PKD1L1: variants seen among roughly 807,000 people sequenced by gnomAD.
PKD1L1 encodes the protein polycystin 1 like 1, transient receptor potential channel interacting.
A neutral mutation model predicts 323.4 loss-of-function variants in PKD1L1; 236 were observed. The observed-to-expected ratio is 0.73, with a 90% confidence interval of 0.66 to 0.81. The LOEUF is 0.81. Among genes scored for constraint, PKD1L1 ranks in the 40% least tolerant of loss-of-function variants. The pLI is 0.00. For synonymous variants in PKD1L1, 1,344 were observed against 1,335.0 expected (o/e 1.01, Z -0.15); for missense variants, 3,320 against 3,508.0 (o/e 0.95, Z 1.35).
chr7:47,893,301 G>A (rs999968216), intron 15 of PKD1L1, among the ~76,000 whole-genome samples: 6 of 151,896 alleles, frequency 4.0e-5, no homozygotes, highest in Non-Finnish European at 5.9e-5. Flanking sequence ...CCTTCCACGG[G>A]TACAGAAGGC....
At chr7:47,905,445 G>T (rs1787183211) in intron 10 of PKD1L1, 120 bp from the exon 11 acceptor site, 4 of 1,127,076 alleles carry the variant, frequency 3.5e-6, no homozygotes, top group Non-Finnish European at 5.1e-6. Flanking sequence ...AGGAAGCTCT[G>T]ATATGCATGC....
chr7:47,906,217 T>C (rs1469801149), intron 9 of PKD1L1, among the ~76,000 whole-genome samples: 1 of 152,242 alleles, frequency 6.6e-6, no homozygotes, highest in Non-Finnish European at 1.5e-5. Context: ...AATATGCTAA[T>C]TCCTTTGAAA....
In PKD1L1 at chr7:47,834,957, G is replaced by T; in HGVS notation, c.6127+10C>A. ...ACGGAGAGTTTCTGAGAGTTTTAAT[G>T]TACATTTACCATGGGGTGCCTCGGT... is the stretch of plus-strand genomic sequence containing the variant. On this transcript the variant is annotated intron_variant, in intron 39 of 56. Coordinates refer to ENST00000289672, the MANE Select transcript of PKD1L1 (RefSeq NM_138295.5). 1 of 1,612,372 alleles carries T rather than the reference G, an allele frequency of 6.2e-7. No homozygotes were observed. The highest frequency in any genetic ancestry group is 1.3e-5 in the African/African-American group (1 of 75,014).
intron 54 of PKD1L1, among the ~76,000 whole-genome samples, chr7:47,798,165 A>T (rs891283980): frequency 2.0e-5 from 3 of 152,230 alleles, no homozygotes; most frequent in Admixed American, 6.5e-5. Context: ...TGGAGGACTC[A>T]TCCATGCTAC....
At position 47,894,758 on chromosome 7, in the gene PKD1L1, C is replaced by T. The variant is rs190671367; in HGVS notation, c.2272-699G>A. On this transcript the variant is annotated intron_variant, in intron 14 of 56. Coordinates refer to ENST00000289672, the MANE Select transcript of PKD1L1 (RefSeq NM_138295.5). ...CCCAGCTACATGGGAGGCAGAGGCACAAGAATCGCTTGAACCCAGTAGCCC... is the reference window on the plus strand; with the variant it reads ...CCCAGCTACATGGGAGGCAGAGGCATAAGAATCGCTTGAACCCAGTAGCCC... 1.6e-3 allele frequency among the ~76,000 whole-genome samples: 247 copies of T among 150,340 alleles called. 1 individual carries two copies. Among genetic ancestry groups the T allele is most frequent in the Middle Eastern group, 6.8e-3 (2 of 294 alleles).
At position 47,902,426 on chromosome 7, in the gene PKD1L1, G is replaced by T. The variant is rs1481963251; in HGVS notation, c.2017C>A (p.Pro673Thr). The change falls in exon 13 of 57, where the codon CCC (proline) becomes ACC (threonine). Residue 673 changes from proline (P) to threonine (T), a missense_variant. Transcript: ENST00000289672. ...TTCTTCACCAGGGGTGGCTGGCAGG[G>T]CTCGCACACGATGAAAAGTTGCTGT... ...LRQQLFIVCE[P>T]CQPPLVKNMG... 1.1e-5 allele frequency: 17 copies of T among 1,614,182 alleles called. No individual in the cohort carries two copies. The highest frequency in any genetic ancestry group is 1.4e-5 in the Non-Finnish European group (17 of 1,180,010).
intron 49 of PKD1L1, 60 bp downstream of exon 49, chr7:47,813,061 A>G: frequency 6.4e-7 from 1 of 1,566,290 alleles, no homozygotes. Flanking sequence ...TCCAGCAGGC[A>G]CCAGAGCTGG....
At chr7:47,830,864 A>T (rs1050519660) in intron 42 of PKD1L1, among the ~76,000 whole-genome samples, 1 of 152,150 alleles carries the variant, frequency 6.6e-6, no homozygotes, top group African/African-American at 2.4e-5. Flanking sequence ...ATGATGGGAG[A>T]CCATGAACAG....
Position 47,857,629 on chromosome 7 carries a change from A to T in PKD1L1, c.4566T>A (p.Tyr1522Ter). 1 of 1,614,184 alleles carries T rather than the reference A, an allele frequency of 6.2e-7. No individual in the cohort carries two copies. Among genetic ancestry groups the T allele is most frequent in the Non-Finnish European group, 8.5e-7 (1 of 1,180,030 alleles). The change falls in exon 28 of 57, where the codon TAT becomes TAA. Residue 1522 changes from tyrosine to a stop codon, truncating the protein, a stop_gained. Transcript: ENST00000289672. LOFTEE classifies it high-confidence loss of function. ...CCTGCCCAGGAGCTTGGCTCCCTGG[A>T]TATGGGTTCTTCTTGAAGAGTATGA... The part of the protein sequence containing the change: ...SQLILFKKNP[Y>*]PGSQAPGQIG...
chr7:47,835,659 GCAA>G (rs1483128655), intron 37 of PKD1L1, among the ~76,000 whole-genome samples: 5 of 151,918 alleles, frequency 3.3e-5, no homozygotes, highest in African/African-American at 4.8e-5. Flanking sequence ...CCTCAGCCCC[GCAA>G]AGTGCTGGGA....
intron 24 of PKD1L1, among the ~76,000 whole-genome samples, chr7:47,869,594 G>T (rs940115112): frequency 6.6e-6 from 1 of 152,072 alleles, no homozygotes; most frequent in Non-Finnish European, 1.5e-5. Context: ...CCTAACAACA[G>T]GTTCCATATA....
chr7:47,801,166 C>T (rs1784653653), intron 53 of PKD1L1, among the ~76,000 whole-genome samples: 1 of 152,138 alleles, frequency 6.6e-6, no homozygotes. Flanking sequence ...CAGCTGCCTC[C>T]TCTGCCTATG....
chr7:47,919,006 A>T (rs935193298), intron 7 of PKD1L1, among the ~76,000 whole-genome samples: 1 of 152,220 alleles, frequency 6.6e-6, no homozygotes, highest in African/African-American at 2.4e-5. Context: ...AGAAGAAAGG[A>T]AATAACCAAG....
intron 53 of PKD1L1, among the ~76,000 whole-genome samples, chr7:47,802,867 T>C (rs1562936882): frequency 6.6e-6 from 1 of 152,222 alleles, no homozygotes; most frequent in Admixed American, 6.5e-5. Context: ...GTTGTGATAG[T>C]TAAACGAAGT....
chr7:47,956,635 G>T, the PKD1L1 span, among the ~76,000 whole-genome samples: 69,879 of 152,064 alleles, frequency 0.46, 16,796 homozygotes, highest in East Asian at 0.54. Flanking sequence ...TCAATGCACA[G>T]ATATCAATGT....
At chr7:47,853,262 T>G in intron 30 of PKD1L1, 35 bp from the exon 31 acceptor site, 1 of 1,429,202 alleles carries the variant, frequency 7.0e-7, no homozygotes. Flanking sequence ...ATTTCTCATT[T>G]TTTTCTTCTC....
intron 51 of PKD1L1, 79 bp downstream of exon 51, chr7:47,809,393 AT>A: frequency 8.8e-7 from 1 of 1,139,318 alleles, no homozygotes; most frequent in Non-Finnish European, 1.2e-6. Context: ...TGCATAATCA[AT>A]TTCTTATTTA....
Position 47,855,219 on chromosome 7 carries a change from C to A in PKD1L1, c.4637G>T (p.Arg1546Ile). The A allele has an allele frequency of 6.2e-7, 1 of 1,614,194 alleles. No individual in the cohort carries two copies. The highest frequency in any genetic ancestry group is 8.5e-7 in the Non-Finnish European group (1 of 1,180,028). The change falls in exon 29 of 57, where the codon AGA (arginine) becomes ATA (isoleucine). Residue 1546 changes from arginine to isoleucine, a missense_variant. Transcript: ENST00000289672. ...GLNLYTCSSR[R>I]PINRQWLRKP... is the part of the protein sequence containing the mutation. ...CCTTAGCCATTGCCTGTTGATGGGT[C>A]TTCTGCTGGAGCAGGTATAGAGGTT...
At chr7:47,781,398 TG>T (rs150972636) in intron 56 of PKD1L1, among the ~76,000 whole-genome samples, 9 of 80,366 alleles carry the variant, frequency 1.1e-4, no homozygotes, top group Non-Finnish European at 1.6e-4. Flanking sequence ...TTTTTTTTTT[TG>T]TTTTGTTTTG....
Sources: allele counts gnomAD v4.1 joint callset (sites outside exome capture counted in the v4.1 genomes callset), GRCh38; gene constraint gnomAD v4.1.1; transcripts MANE v1.5; gene names NCBI Gene and HGNC (gene_info 2026-07-23, HGNC 2026-07-21).